Variants in RBFOX1 observed in about 807,000 individuals in gnomAD.
The protein encoded by RBFOX1 is RNA binding protein fox-1 homolog 1.
Under a neutral mutation model 57.7 loss-of-function variants are expected in RBFOX1, and 8 were observed. The ratio of observed to expected loss-of-function variants is 0.14; its 90% CI spans 0.08 to 0.25. RBFOX1 has a LOEUF of 0.25. RBFOX1 is among the 10% of genes least tolerant of loss of function. The probability of loss-of-function intolerance (pLI) is 1.00; values close to 1 mark genes in which losing one functional copy is unlikely to be tolerated. For missense variants in RBFOX1, 611 were observed against 548.5 expected (o/e 1.11, Z -1.14); for synonymous variants, 326 against 222.4 (o/e 1.47, Z -4.15).
chr16:7,098,673 T>G (rs1045993696), intron 4 of RBFOX1, among the ~76,000 whole-genome samples: 3 of 152,024 alleles, frequency 2.0e-5, no homozygotes, highest in African/African-American at 7.2e-5. Flanking sequence ...TGATCTTGGC[T>G]GGGTGGTGGC....
chr16:6,140,314 C>G (rs533067893), intron 1 of RBFOX1, among the ~76,000 whole-genome samples: 3 of 152,190 alleles, frequency 2.0e-5, no homozygotes, highest in Admixed American at 2.0e-4. Flanking sequence ...GCTTCAGCCC[C>G]ATGAGTAGCT....
intron 3 of RBFOX1, among the ~76,000 whole-genome samples, chr16:5,810,659 T>G (rs1209479690): frequency 6.6e-6 from 1 of 152,318 alleles, no homozygotes; most frequent in Middle Eastern, 3.4e-3. Flanking sequence ...CTTCCCCATC[T>G]GCACAATCAG....
intron 3 of RBFOX1, among the ~76,000 whole-genome samples, chr16:6,777,476 A>T (rs2079573060): frequency 6.6e-6 from 1 of 152,006 alleles, no homozygotes. Context: ...AACTCAACTT[A>T]TTTTTTAATG....
intron 1 of RBFOX1, among the ~76,000 whole-genome samples, chr16:5,353,422 C>G (rs975900218): frequency 3.9e-5 from 6 of 151,990 alleles, no homozygotes; most frequent in Admixed American, 2.6e-4. Context: ...CCCAGCCCTC[C>G]CCTCTTCCTC....
chr16:5,436,860 G>C (rs972075410), intron 1 of RBFOX1, among the ~76,000 whole-genome samples: 1 of 152,052 alleles, frequency 6.6e-6, no homozygotes, highest in African/African-American at 2.4e-5. Context: ...AGTTCTGTCA[G>C]ATAACTTAAA....
chr16:6,365,396 GTAGA>G (rs1380262077), intron 2 of RBFOX1, among the ~76,000 whole-genome samples: 10 of 151,438 alleles, frequency 6.6e-5, no homozygotes, highest in Non-Finnish European at 1.5e-4. Context: ...GGATGGATGA[GTAGA>G]TGGATGGATG....
intron 3 of RBFOX1, among the ~76,000 whole-genome samples, chr16:6,980,290 A>C (rs976509345): frequency 2.0e-5 from 3 of 152,188 alleles, no homozygotes; most frequent in Non-Finnish European, 4.4e-5. Flanking sequence ...CGTTTATGAT[A>C]TGAACAATAG....
intron 4 of RBFOX1, among the ~76,000 whole-genome samples, chr16:7,360,142 C>T (rs985510623): frequency 1.3e-5 from 2 of 152,132 alleles, no homozygotes; most frequent in African/African-American, 4.8e-5. Context: ...GGAACTTTAT[C>T]TCATGTATAT....
At chr16:7,183,966 C>T (rs563279228) in intron 4 of RBFOX1, among the ~76,000 whole-genome samples, 3 of 152,038 alleles carry the variant, frequency 2.0e-5, no homozygotes, top group Non-Finnish European at 1.5e-5. Flanking sequence ...GCAATGATGA[C>T]GTCATTAAAG....
At position 6,189,014 on chromosome 16, in the gene RBFOX1, T is replaced by C. The variant is rs542245783; in HGVS notation, c.-126-127981T>C. ...TTCTGAAATATTTGAACATGTTTAT[T>C]TATCTAACCCTCTATGAACCTGGGC... On this transcript the variant is annotated intron_variant, in intron 1 of 15. Transcript: ENST00000550418. Among the ~76,000 whole-genome samples, 3 of 152,316 alleles carry C rather than the reference T, an allele frequency of 2.0e-5. No homozygotes were observed. The East Asian group carries it at 5.8e-4, about 29-fold the overall frequency.
intron 1 of RBFOX1, chr16:5,240,177 G>C (rs2062128821): frequency 9.5e-7 from 1 of 1,048,062 alleles, no homozygotes. Flanking sequence ...GGTAGGGGCT[G>C]CGGGAGGCTC....
At chr16:7,317,848 A>C (rs185092654) in intron 4 of RBFOX1, among the ~76,000 whole-genome samples, 1 of 152,356 alleles carries the variant, frequency 6.6e-6, no homozygotes, top group East Asian at 1.9e-4. Flanking sequence ...GCAAGACCAC[A>C]AAGACATAGC....
chr16:6,575,862 A>AAAT (rs2097426520), intron 2 of RBFOX1, among the ~76,000 whole-genome samples: 4 of 145,444 alleles, frequency 2.8e-5, no homozygotes, highest in Non-Finnish European at 4.5e-5. Context: ...ATCTCAATAA[A>AAAT]AAATAAATAA....
At chr16:5,997,826 A>G (rs1567236204) in intron 4 of RBFOX1, among the ~76,000 whole-genome samples, 1 of 152,068 alleles carries the variant, frequency 6.6e-6, no homozygotes, top group Non-Finnish European at 1.5e-5. Flanking sequence ...ATGTAGTTTA[A>G]TGCCTGTACA....
chr16:7,190,282 G>A (rs9929224), intron 4 of RBFOX1, among the ~76,000 whole-genome samples: 1,753 of 152,174 alleles, frequency 0.012, 32 homozygotes, highest in African/African-American at 0.04. Flanking sequence ...TCACTTGAAC[G>A]CAGGAGGCGG....
intron 1 of RBFOX1, among the ~76,000 whole-genome samples, chr16:5,343,739 G>A (rs756876241): frequency 6.6e-6 from 1 of 152,164 alleles, no homozygotes; most frequent in Admixed American, 6.5e-5. Flanking sequence ...GACTATGTCC[G>A]TATGTAACAA....
chr16:5,559,459 G>A (rs893894971), intron 2 of RBFOX1, among the ~76,000 whole-genome samples: 1 of 152,110 alleles, frequency 6.6e-6, no homozygotes, highest in African/African-American at 2.4e-5. Context: ...GTCAAAACAA[G>A]CCGAACAAGG....
At chr16:6,906,989 G>C (rs1397427102) in intron 3 of RBFOX1, among the ~76,000 whole-genome samples, 1 of 152,076 alleles carries the variant, frequency 6.6e-6, no homozygotes, top group Non-Finnish European at 1.5e-5. Context: ...TTCCCAAAGT[G>C]CTAGGATTAC....
At chr16:5,643,626 C>T (rs1188485290) in intron 3 of RBFOX1, among the ~76,000 whole-genome samples, 3 of 152,124 alleles carry the variant, frequency 2.0e-5, no homozygotes, top group African/African-American at 4.8e-5. Context: ...ACAGAGTCTT[C>T]CTGCAGCATT....
Sources: gnomAD v4.1 joint callset for allele counts (sites outside exome capture counted in the v4.1 genomes callset) on GRCh38, gnomAD v4.1.1 for gene constraint, MANE v1.5 for transcripts, NCBI Gene and HGNC (gene_info 2026-07-23, HGNC 2026-07-21) for gene names.